Variants in NEDD9 observed in about 807,000 individuals in gnomAD.
The protein encoded by NEDD9 is neural precursor cell expressed, developmentally down-regulated 9.
In NEDD9, 26 loss-of-function variants were observed where a neutral mutation model predicts 76.6. The ratio of observed to expected loss-of-function variants is 0.34; its 90% CI spans 0.25 to 0.47. The LOEUF (loss-of-function observed/expected upper bound fraction) is 0.47. Among genes scored for constraint, NEDD9 ranks in the 20% least tolerant of loss-of-function variants. The pLI is 1.00. For synonymous variants in NEDD9, 392 were observed against 414.2 expected (o/e 0.95, Z 0.65); for missense variants, 937 against 1,058.5 (o/e 0.89, Z 1.59).
chr6:11,230,422 A>G (rs1441184895), intron 1 of NEDD9, among the ~76,000 whole-genome samples: 3 of 152,262 alleles, frequency 2.0e-5, no homozygotes, highest in Non-Finnish European at 4.4e-5. Context: ...GAAATTGAGT[A>G]TAAAAATAAT....
intron 2 of NEDD9, among the ~76,000 whole-genome samples, chr6:11,325,672 G>A (rs1168719668): frequency 1.3e-5 from 2 of 152,092 alleles, no homozygotes; most frequent in Admixed American, 6.6e-5. Flanking sequence ...GAAAAAAAGC[G>A]GCTTTTATTT....
At chr6:11,285,956 C>T (rs1385565250) in intron 3 of NEDD9, among the ~76,000 whole-genome samples, 2 of 151,988 alleles carry the variant, frequency 1.3e-5, no homozygotes, top group African/African-American at 4.8e-5. Flanking sequence ...GTTACCACAC[C>T]AAAAGCACAA....
In NEDD9 at chr6:11,295,170, A is replaced by G. The variant is rs931824640; in HGVS notation, c.12+10822T>C. Among the ~76,000 whole-genome samples, 10 of 152,308 alleles carry G rather than the reference A, an allele frequency of 6.6e-5. No homozygotes were observed. In the South Asian group the frequency reaches 1.4e-3, roughly 22 times the overall value. ...AGCAGTGTGAGAACAGACTAATACAATTAGTGATATTGCACACCTTTGTAT... is the reference window on the plus strand; with the variant it reads ...AGCAGTGTGAGAACAGACTAATACAGTTAGTGATATTGCACACCTTTGTAT... On this transcript the variant is annotated intron_variant, in intron 3 of 3. Transcript: ENST00000397378.
chr6:11,283,677 G>A (rs1760583195), intron 3 of NEDD9, among the ~76,000 whole-genome samples: 1 of 152,156 alleles, frequency 6.6e-6, no homozygotes, highest in African/African-American at 2.4e-5. Context: ...TGAATCTTGA[G>A]TGCTTTTCTC....
At chr6:11,280,093 C>T (rs982705177) in intron 3 of NEDD9, among the ~76,000 whole-genome samples, 7 of 152,110 alleles carry the variant, frequency 4.6e-5, no homozygotes, top group Non-Finnish European at 8.8e-5. Flanking sequence ...TTGCATCATC[C>T]CTGGTCTCTA....
intron 3 of NEDD9, among the ~76,000 whole-genome samples, chr6:11,299,489 T>G (rs1329949412): frequency 6.6e-6 from 1 of 152,216 alleles, no homozygotes; most frequent in East Asian, 1.9e-4. Context: ...CTGACAACTC[T>G]GAAGAGAGCA....
chr6:11,310,758 G>T (rs1761340862), intron 2 of NEDD9, among the ~76,000 whole-genome samples: 1 of 152,098 alleles, frequency 6.6e-6, no homozygotes, highest in African/African-American at 2.4e-5. Context: ...TTTATTTGCT[G>T]TCTTTCTTCT....
At chr6:11,206,478 A>C (rs1195813889) in intron 2 of NEDD9, among the ~76,000 whole-genome samples, 1 of 152,160 alleles carries the variant, frequency 6.6e-6, no homozygotes, top group African/African-American at 2.4e-5. Flanking sequence ...TAAATAAATA[A>C]ATTTATTCTG....
chr6:11,358,227 C>G (rs1311564452), intron 1 of NEDD9, among the ~76,000 whole-genome samples: 2 of 126,378 alleles, frequency 1.6e-5, no homozygotes, highest in Admixed American at 1.9e-4. Context: ...CCCAGCCTGG[C>G]GACAGAGCAA....
intron 2 of NEDD9, among the ~76,000 whole-genome samples, chr6:11,321,327 C>T (rs185913701): frequency 9.2e-5 from 14 of 152,254 alleles, no homozygotes; most frequent in East Asian, 7.7e-4. Context: ...TGAAGGATGA[C>T]GTAGTCATGA....
intron 1 of NEDD9, among the ~76,000 whole-genome samples, chr6:11,357,383 C>T (rs1293726103): frequency 2.0e-5 from 3 of 152,146 alleles, no homozygotes; most frequent in Non-Finnish European, 4.4e-5. Flanking sequence ...ACACATCTTC[C>T]GTAGTCTGAG....
At chr6:11,358,880 C>T (rs376648782) in intron 1 of NEDD9, among the ~76,000 whole-genome samples, 17 of 152,258 alleles carry the variant, frequency 1.1e-4, no homozygotes, top group East Asian at 9.6e-4. Context: ...ATCACACCAT[C>T]GGCAGGCAGC....
intron 2 of NEDD9, among the ~76,000 whole-genome samples, chr6:11,330,794 C>T (rs1762020121): frequency 6.6e-6 from 1 of 152,144 alleles, no homozygotes; most frequent in South Asian, 2.1e-4. Context: ...TTCTTTTTAT[C>T]AGTTATAAAA....
At chr6:11,304,427 A>G (rs2113412637) in intron 3 of NEDD9, among the ~76,000 whole-genome samples, 1 of 152,314 alleles carries the variant, frequency 6.6e-6, no homozygotes, top group South Asian at 2.1e-4. Flanking sequence ...AACTAGAAAT[A>G]CCATTTGACC....
chr6:11,204,904 G>A (rs1383905529), intron 2 of NEDD9, among the ~76,000 whole-genome samples: 3 of 152,044 alleles, frequency 2.0e-5, no homozygotes, highest in African/African-American at 7.2e-5. Context: ...CTAGGTGGGG[G>A]GAACTTCCAA....
chr6:11,379,666 T>TA (rs201939089), intron 1 of NEDD9, among the ~76,000 whole-genome samples: 2,439 of 147,518 alleles, frequency 0.017, 63 homozygotes, highest in African/African-American at 0.051. Context: ...TCCTACAAAT[T>TA]AAAAAAAAAA....
chr6:11,268,698 A>G (rs1760245137), intron 3 of NEDD9, among the ~76,000 whole-genome samples: 1 of 151,886 alleles, frequency 6.6e-6, no homozygotes, highest in Admixed American at 6.6e-5. Context: ...ACTGCACTCC[A>G]GCCTGGGCAA....
At chr6:11,358,383 A>T (rs905065144) in intron 1 of NEDD9, among the ~76,000 whole-genome samples, 1 of 152,164 alleles carries the variant, frequency 6.6e-6, no homozygotes, top group Non-Finnish European at 1.5e-5. Flanking sequence ...CCTCCAGTGC[A>T]AACTGGTCTG....
chr6:11,256,652 C>T (rs1760009828), intron 3 of NEDD9, among the ~76,000 whole-genome samples: 1 of 152,094 alleles, frequency 6.6e-6, no homozygotes, highest in South Asian at 2.1e-4. Context: ...TTTGTAGAGA[C>T]AGGGTTTCGC....
Sources: allele counts gnomAD v4.1 joint callset (sites outside exome capture counted in the v4.1 genomes callset), GRCh38; gene constraint gnomAD v4.1.1; transcripts MANE v1.5; gene names NCBI Gene and HGNC (gene_info 2026-07-23, HGNC 2026-07-21).